CDK14: variants seen among roughly 807,000 people sequenced by gnomAD.
The protein encoded by CDK14 is cyclin dependent kinase 14, also known as cyclin-dependent kinase 14.
A neutral mutation model predicts 60.7 loss-of-function variants in CDK14; 34 were observed. That is an observed-to-expected ratio of 0.56 (90% confidence interval 0.43 to 0.75). CDK14 has a LOEUF of 0.75. CDK14 is among the 30% of genes least tolerant of loss of function. CDK14 has a pLI of 0.00. For synonymous variants in CDK14, 197 were observed against 203.7 expected, an observed-to-expected ratio of 0.97 and a Z score of 0.28; for missense variants, 482 against 564.1, an observed-to-expected ratio of 0.85 and a Z score of 1.47.
At chr7:90,945,741 C>G (rs1312224605) in intron 8 of CDK14, among the ~76,000 whole-genome samples, 1 of 152,172 alleles carries the variant, frequency 6.6e-6, no homozygotes, top group African/African-American at 2.4e-5. Flanking sequence ...GAGCAAAGAA[C>G]AGGGTGAAGG....
At chr7:90,805,062 A>G (rs1178451475) in intron 5 of CDK14, among the ~76,000 whole-genome samples, 1 of 152,120 alleles carries the variant, frequency 6.6e-6, no homozygotes, top group African/African-American at 2.4e-5. Flanking sequence ...CTTGCCAGTA[A>G]ATGACTGTTA....
intron 2 of CDK14, among the ~76,000 whole-genome samples, chr7:90,664,975 A>G (rs1563036299): frequency 2.0e-5 from 3 of 152,076 alleles, no homozygotes; most frequent in Non-Finnish European, 4.4e-5. Flanking sequence ...TGTTTTTGCT[A>G]ATAGTATTTA....
Position 90,802,195 on chromosome 7 carries a change from G to T in CDK14, c.544+11543G>T, listed in dbSNP as rs78640936. Among the ~76,000 whole-genome samples, 54 of 152,314 alleles carry T rather than the reference G, an allele frequency of 3.5e-4. No individual in the cohort carries two copies. In the East Asian group the frequency reaches 9.6e-3, roughly 27 times the overall value. On this transcript the variant is annotated intron_variant, in intron 5 of 14. Transcript: ENST00000380050. Reference sequence around the variant, plus strand: ...AAAATTAACAAGTTGATTATAGATGGAATTTTCAGTGAAACATTATGTTAA... The same window carrying T: ...AAAATTAACAAGTTGATTATAGATGTAATTTTCAGTGAAACATTATGTTAA...
chr7:91,010,827 TCCTTCCTCCCTC>T (rs1403497961), intron 10 of CDK14, among the ~76,000 whole-genome samples: 27 of 72,084 alleles, frequency 3.7e-4, no homozygotes, highest in African/African-American at 1.2e-3. Context: ...CTTCCTTCCT[TCCTTCCTCCCTC>T]CCTCCCTCCC....
intron 1 of CDK14, among the ~76,000 whole-genome samples, chr7:90,596,996 G>T (rs1033913611): frequency 1.3e-5 from 2 of 152,102 alleles, no homozygotes; most frequent in Non-Finnish European, 2.9e-5. Context: ...CCTTTCGCGC[G>T]CGTGGGGGAC....
chr7:90,827,892 T>A (rs1407794669), intron 5 of CDK14, among the ~76,000 whole-genome samples: 1 of 152,170 alleles, frequency 6.6e-6, no homozygotes, highest in African/African-American at 2.4e-5. Context: ...AAAACAAAAT[T>A]TGTATATGTA....
intron 11 of CDK14, among the ~76,000 whole-genome samples, chr7:91,068,793 G>A (rs923272659): frequency 8.0e-5 from 10 of 125,180 alleles, no homozygotes; most frequent in Admixed American, 3.6e-4. Flanking sequence ...AGAAGCCAGA[G>A]TGATACCTTA....
chr7:90,820,297 T>C (rs1451003583), intron 5 of CDK14, among the ~76,000 whole-genome samples: 1 of 152,142 alleles, frequency 6.6e-6, no homozygotes, highest in Non-Finnish European at 1.5e-5. Flanking sequence ...TGATTCTCTT[T>C]ACCTCCTGAT....
At position 90,779,894 on chromosome 7, in the gene CDK14, A is replaced by G. The variant is rs1279001419; in HGVS notation, c.465-10679A>G. 3.3e-5 allele frequency among the ~76,000 whole-genome samples: 5 copies of G among 152,230 alleles called. No homozygotes were observed. The East Asian group carries it at 9.6e-4, about 29-fold the overall frequency. Reference sequence around the variant, plus strand: ...GTTTGAATCCAGAAAAATTGAGTCTATACATTGCAATGAATTGCAGTTACA... The same window carrying G: ...GTTTGAATCCAGAAAAATTGAGTCTGTACATTGCAATGAATTGCAGTTACA... On this transcript the variant is annotated intron_variant, in intron 4 of 14. Coordinates refer to ENST00000380050, the MANE Select transcript of CDK14 (RefSeq NM_001287135.2).
At chr7:90,890,242 A>G (rs190735755) in intron 6 of CDK14, among the ~76,000 whole-genome samples, 8 of 152,300 alleles carry the variant, frequency 5.3e-5, no homozygotes, top group Non-Finnish European at 8.8e-5. Flanking sequence ...ATGTAGTGGC[A>G]CATGCCTGTA....
At chr7:91,108,471 C>A (rs1799374599) in intron 12 of CDK14, among the ~76,000 whole-genome samples, 1 of 152,076 alleles carries the variant, frequency 6.6e-6, no homozygotes, top group Admixed American at 6.6e-5. Context: ...TATTGGGTGC[C>A]AAAATACCCA....
At chr7:90,977,895 A>C (rs572697516) in intron 9 of CDK14, among the ~76,000 whole-genome samples, 31 of 152,234 alleles carry the variant, frequency 2.0e-4, no homozygotes, top group African/African-American at 7.5e-4. Flanking sequence ...GATCTTGTAG[A>C]TGTTCCATCT....
At chr7:90,800,502 TTGAC>T (rs35026775) in intron 5 of CDK14, among the ~76,000 whole-genome samples, 31,085 of 152,046 alleles carry the variant, frequency 0.2, 3,293 homozygotes, top group South Asian at 0.24. Flanking sequence ...ATTTTGGTGT[TTGAC>T]TGATACTTGA....
At chr7:90,622,234 T>G (rs756829590) in intron 2 of CDK14, among the ~76,000 whole-genome samples, 1 of 151,720 alleles carries the variant, frequency 6.6e-6, no homozygotes, top group Non-Finnish European at 1.5e-5. Context: ...ACCGGTCAGA[T>G]GTTGAGTGTT....
rs59773768 is a variant in CDK14 at position 90,668,699 on chromosome 7, C to CTTTTTTTTTTTT, written c.124-57852_124-57841dup. ...TATGGTGTAAGGAAGGACTCGCATTCTTTTTTTTTTTTTTTTTTTTTTTTT... is the reference window on the plus strand; with the variant it reads ...TATGGTGTAAGGAAGGACTCGCATTCTTTTTTTTTTTTTTTTTTTTTTTTTTTTTTTTTTTTT... On this transcript the variant is annotated intron_variant, in intron 2 of 14. Transcript: ENST00000380050. 1.1e-4 allele frequency among the ~76,000 whole-genome samples: 10 copies of CTTTTTTTTTTTT among 87,538 alleles called. 2 individuals are homozygous for CTTTTTTTTTTTT. Among genetic ancestry groups the CTTTTTTTTTTTT allele is most frequent in the African/African-American group, 3.5e-4 (8 of 23,110 alleles). 57.4% of individuals were successfully genotyped at this position (87,538 alleles called of 152,430 possible).
intron 6 of CDK14, among the ~76,000 whole-genome samples, chr7:90,872,454 T>G (rs1791398352): frequency 6.6e-6 from 1 of 152,126 alleles, no homozygotes; most frequent in Admixed American, 6.5e-5. Flanking sequence ...AAGGAGAAAT[T>G]AAAGAAATAA....
chr7:91,026,591 T>G (rs1246800475), intron 10 of CDK14, among the ~76,000 whole-genome samples: 2 of 152,166 alleles, frequency 1.3e-5, no homozygotes, highest in African/African-American at 4.8e-5. Flanking sequence ...GTGTTTAAAT[T>G]AATTTTCTAA....
chr7:90,883,715 C>T (rs1584084650), intron 6 of CDK14, among the ~76,000 whole-genome samples: 1 of 152,138 alleles, frequency 6.6e-6, no homozygotes, highest in African/African-American at 2.4e-5. Context: ...CTGAATCCAG[C>T]AGCACATCAA....
chr7:91,167,899 A>C (rs974858792), intron 14 of CDK14, among the ~76,000 whole-genome samples: 3 of 152,230 alleles, frequency 2.0e-5, no homozygotes, highest in Admixed American at 2.0e-4. Context: ...AAGATTAGAA[A>C]ATGTATTTAA....
Sources: gnomAD v4.1 joint callset for allele counts (sites outside exome capture counted in the v4.1 genomes callset) on GRCh38, gnomAD v4.1.1 for gene constraint, MANE v1.5 for transcripts, NCBI Gene and HGNC (gene_info 2026-07-23, HGNC 2026-07-21) for gene names.